The following CALCA variants were observed in gnomAD, a reference collection of about 807,000 sequenced individuals.
CALCA encodes the protein calcitonin related polypeptide alpha.
Under a neutral mutation model 6.9 loss-of-function variants are expected in CALCA, and 4 were observed. That is an observed-to-expected ratio of 0.58 (90% CI 0.29 to 1.33). The LOEUF is 1.33. Among genes scored for constraint, CALCA ranks in the 40% most tolerant of loss-of-function variants. The pLI is 0.09. For synonymous variants in CALCA, 78 were observed against 70.0 expected (o/e 1.11, Z -0.57); for missense variants, 174 against 178.3 (o/e 0.98, Z 0.14).
intron 1 of CALCA, 104 bp from the exon 2 acceptor site, chr11:14,971,305 G>A: frequency 1.3e-6 from 1 of 782,400 alleles, no homozygotes. Flanking sequence ...CTAACGCTCT[G>A]GCTTTGTGGC....
intron 1 of CALCA, 88 bp from the exon 2 acceptor site, chr11:14,971,289 T>C: frequency 1.1e-6 from 1 of 874,510 alleles, no homozygotes; most frequent in Non-Finnish European, 2.0e-6. Flanking sequence ...GTTTTCTGTC[T>C]TGCTTCTAAC....
Position 14,968,748 on chromosome 11 carries a change from C to A in CALCA, c.*51G>T. The A allele has an allele frequency of 6.2e-7, 1 of 1,613,620 alleles. No homozygotes were observed. The highest frequency in any genetic ancestry group is 8.5e-7 in the Non-Finnish European group (1 of 1,179,846). On this transcript the variant is annotated 3_prime_UTR_variant, in exon 4 of 4. Transcript: ENST00000331587. ...CAGAGAGGAACCAAACCACATGCATCAAGTTATAGGAAGGATGCAAGAAGG... is the reference window on the plus strand; with the variant it reads ...CAGAGAGGAACCAAACCACATGCATAAAGTTATAGGAAGGATGCAAGAAGG...
Position 14,970,085 on chromosome 11 carries a change from G to C in CALCA, c.87-10C>G, listed in dbSNP as rs1555026201. 1 of 1,614,158 alleles carries C rather than the reference G, an allele frequency of 6.2e-7. No individual in the cohort carries two copies. Among genetic ancestry groups the C allele is most frequent in the South Asian group, 1.1e-5 (1 of 91,058 alleles). ...GCTCTCCAGGGCAGACCTGTGGAGG[G>C]GAAGCAAACTCAGTGCAGGCTGTGA... is the stretch of plus-strand genomic sequence containing the variant. On this transcript the variant is annotated splice_polypyrimidine_tract_variant and intron_variant, in intron 2 of 3. Coordinates refer to ENST00000331587, the MANE Select transcript of CALCA (RefSeq NM_001741.3).
Position 14,969,922 on chromosome 11 carries a change from T to C in CALCA, c.227+13A>G. Reference sequence around the variant, plus strand: ...GAGAGGAGGCCCTGTGCTGAGCGCTTGGGGAGCCTCACCTGGAGCCCTCTC... The same window carrying C: ...GAGAGGAGGCCCTGTGCTGAGCGCTCGGGGAGCCTCACCTGGAGCCCTCTC... On this transcript the variant is annotated intron_variant, in intron 3 of 3. Coordinates refer to ENST00000331587, the MANE Select transcript of CALCA (RefSeq NM_001741.3). 1.9e-6 allele frequency: 3 copies of C among 1,612,426 alleles called. No individual in the cohort carries two copies. The highest frequency in any genetic ancestry group is 2.2e-5 in the East Asian group (1 of 44,874).
intron 3 of CALCA, 59 bp downstream of exon 3, chr11:14,969,876 C>T: frequency 4.3e-6 from 7 of 1,611,610 alleles, no homozygotes; most frequent in East Asian, 4.5e-5. Flanking sequence ...TCGGGATCCA[C>T]CTTCCTGTGT....
At position 14,968,732 on chromosome 11, in the gene CALCA, A is replaced by G. The variant is rs557696770; in HGVS notation, c.*67T>C. The G allele has an allele frequency of 1.8e-4, 290 of 1,613,238 alleles. No homozygotes were observed. Among genetic ancestry groups the G allele is most frequent in the Admixed American group, 1.2e-3 (71 of 60,010 alleles). Reference sequence around the variant, plus strand: ...CAGCCCAAAGAGCCACCAGAGAGGAACCAAACCACATGCATCAAGTTATAG... The same window carrying G: ...CAGCCCAAAGAGCCACCAGAGAGGAGCCAAACCACATGCATCAAGTTATAG... On this transcript the variant is annotated 3_prime_UTR_variant, in exon 4 of 4. Transcript: ENST00000331587.
chr11:14,970,423 G>A (rs1048034347), intron 2 of CALCA, among the ~76,000 whole-genome samples: 8 of 152,190 alleles, frequency 5.3e-5, no homozygotes, highest in Admixed American at 2.0e-4. Context: ...ATGTGGGTGA[G>A]AAATAGATCA....
chr11:14,967,263 C>A (rs1555025515), downstream of CALCA, among the ~76,000 whole-genome samples: 1 of 152,128 alleles, frequency 6.6e-6, no homozygotes, highest in Admixed American at 6.6e-5. Context: ...GTTAAGTAAC[C>A]TGTTCATGGT....
Position 14,968,758 on chromosome 11 carries a change from G to A in CALCA, c.*41C>T. Reference sequence around the variant, plus strand: ...CCAAACCACATGCATCAAGTTATAGGAAGGATGCAAGAAGGGAAATTAGGA... The same window carrying A: ...CCAAACCACATGCATCAAGTTATAGAAAGGATGCAAGAAGGGAAATTAGGA... On this transcript the variant is annotated 3_prime_UTR_variant, in exon 4 of 4. Coordinates refer to ENST00000331587, the MANE Select transcript of CALCA (RefSeq NM_001741.3). 6.2e-7 allele frequency: 1 copy of A among 1,613,968 alleles called. No individual in the cohort carries two copies. The highest frequency in any genetic ancestry group is 8.5e-7 in the Non-Finnish European group (1 of 1,179,940).
chr11:14,969,175 A>G (rs2133581494), intron 3 of CALCA, among the ~76,000 whole-genome samples, 178 bp from the exon 4 acceptor site: 1 of 152,254 alleles, frequency 6.6e-6, no homozygotes, highest in African/African-American at 2.4e-5. Context: ...AGGGCAATGC[A>G]GGGAAGGGCT....
Position 14,970,023 on chromosome 11 carries a change from C to T in CALCA, c.139G>A (p.Ala47Thr), listed in dbSNP as rs782126509. 6.2e-7 allele frequency: 1 copy of T among 1,614,272 alleles called. No individual in the cohort carries two copies. The highest frequency in any genetic ancestry group is 8.5e-7 in the Non-Finnish European group (1 of 1,180,056). ...ACCAGTGCAGCCAGCAGGAGGCGCG[C>T]TTCGTCCTCACTGAGCGTGGCCGGG... is the stretch of plus-strand genomic sequence containing the variant. ...ADPATLSEDE[A>T]RLLLAALVQD... The change falls in exon 3 of 4, where the codon GCG (alanine) becomes ACG (threonine). Residue 47 changes from alanine to threonine, a missense_variant. Transcript: ENST00000331587.
intron 3 of CALCA, 78 bp from the exon 4 acceptor site, chr11:14,969,075 A>G: frequency 2.2e-6 from 3 of 1,376,824 alleles, no homozygotes; most frequent in Non-Finnish European, 3.1e-6. Context: ...AGGTTAGACC[A>G]GGCAGGGGAC....
rs1555026124 is a variant in CALCA, at chr11:14,970,000, C to A, written c.162G>T (p.Leu54=). 1 of 1,614,172 alleles carries A rather than the reference C, an allele frequency of 6.2e-7. No homozygotes were observed. Among genetic ancestry groups the A allele is most frequent in the Admixed American group, 1.7e-5 (1 of 60,030 alleles). ...EDEARLLLAA[L]VQDYVQMKAS... is the part of the protein sequence containing the mutation. ...CCTTCATCTGCACATAGTCCTGCACCAGTGCAGCCAGCAGGAGGCGCGCTT... is the reference window on the plus strand; with the variant it reads ...CCTTCATCTGCACATAGTCCTGCACAAGTGCAGCCAGCAGGAGGCGCGCTT... The change falls in exon 3 of 4, where the codon CTG becomes CTT. Residue 54 remains leucine, a synonymous_variant. Coordinates refer to ENST00000331587, the MANE Select transcript of CALCA (RefSeq NM_001741.3).
chr11:14,971,135 C>T lies in CALCA; in HGVS notation c.58G>A (p.Ala20Thr). 2 of 1,614,090 alleles carry T rather than the reference C, an allele frequency of 1.2e-6. No homozygotes were observed. Among genetic ancestry groups the T allele is most frequent in the Non-Finnish European group, 1.7e-6 (2 of 1,180,004 alleles). ...AATGGTGCTGCATGGAGGCTGCCTGCCTGCAACAGGACCAAGATGCTGAGA... is the reference window on the plus strand; with the variant it reads ...AATGGTGCTGCATGGAGGCTGCCTGTCTGCAACAGGACCAAGATGCTGAGA... The part of the protein sequence containing the change: ...LALSILVLLQ[A>T]GSLHAAPFRS... The change falls in exon 2 of 4, where the codon GCA becomes ACA. Residue 20 changes from alanine (A) to threonine (T), a missense_variant. Ala to Thr is a moderately conservative substitution (Grantham distance 58). Transcript: ENST00000331587.
In CALCA at chr11:14,972,324, G is replaced by T; in HGVS notation, c.-89C>A. On this transcript the variant is annotated 5_prime_UTR_variant, in exon 1 of 4. Coordinates refer to ENST00000331587, the MANE Select transcript of CALCA (RefSeq NM_001741.3). The stretch of plus-strand genomic sequence containing the variant: ...GCCAGAGCCCTGTGGAAGCGGCGGC[G>T]ACACTTGGGCTGGGCAGTGTCTCTG... The T allele has an allele frequency of 2.6e-5, 4 of 153,716 alleles. No individual in the cohort carries two copies. In the South Asian group the frequency reaches 7.2e-4, roughly 28 times the overall value. The allele number at this position is 153,716 out of a possible 1,614,324, so 9.5% of individuals were successfully genotyped here.
In CALCA at chr11:14,968,784, A is replaced by C. The variant is rs782037301; in HGVS notation, c.*15T>G. 3.3e-5 allele frequency: 54 copies of C among 1,614,050 alleles called. No homozygotes were observed. The highest frequency in any genetic ancestry group is 7.7e-5 in the South Asian group (7 of 91,092). On this transcript the variant is annotated 3_prime_UTR_variant, in exon 4 of 4. Coordinates refer to ENST00000331587, the MANE Select transcript of CALCA (RefSeq NM_001741.3). ...AAGGATGCAAGAAGGGAAATTAGGA[A>C]GGAAAGGGAGGAGTTTAGTTGGCAT...
rs544593624 is a variant in CALCA at position 14,968,653 on chromosome 11, T to C, written c.*146A>G. On this transcript the variant is annotated 3_prime_UTR_variant, in exon 4 of 4. Transcript: ENST00000331587. ...TTCCAACCTGTGAGTCCTGCTCTCT[T>C]TCCTCCCATCTGAAGTTTGAGACAT... The C allele has an allele frequency of 6.3e-7, 1 of 1,599,014 alleles. No homozygotes were observed. Among genetic ancestry groups the C allele is most frequent in the East Asian group, 2.2e-5 (1 of 44,586 alleles).
downstream of CALCA, chr11:14,967,172 C>A (rs1331448787): frequency 6.2e-6 from 1 of 160,214 alleles, no homozygotes; most frequent in South Asian, 1.8e-4. Flanking sequence ...TATTACCTCA[C>A]TTGCTCTTTA....
chr11:14,967,847 C>T (rs1555025692), downstream of CALCA: 1 of 1,614,176 alleles, frequency 6.2e-7, no homozygotes, highest in South Asian at 1.1e-5. Context: ...CTCTTCTGGG[C>T]AATGATTCTG....
Sources: gnomAD v4.1 joint callset for allele counts (sites outside exome capture counted in the v4.1 genomes callset) on GRCh38, gnomAD v4.1.1 for gene constraint, MANE v1.5 for transcripts, NCBI Gene and HGNC (gene_info 2026-07-23, HGNC 2026-07-21) for gene names.